TENM2: variants seen among roughly 807,000 people sequenced by gnomAD.
TENM2 encodes teneurin transmembrane protein 2, also known as teneurin-2.
Under a neutral mutation model 245.2 loss-of-function variants are expected in TENM2, and 52 were observed. The observed-to-expected ratio is 0.21, with a 90% CI of 0.17 to 0.27. The LOEUF is 0.27. Among genes scored for constraint, TENM2 ranks in the 10% least tolerant of loss-of-function variants. The pLI, the probability that TENM2 is intolerant of heterozygous loss-of-function variation, is 1.00. For missense variants in TENM2, 3,046 were observed against 3,666.8 expected, an observed-to-expected ratio of 0.83 and a Z score of 4.37; for synonymous variants, 1,363 against 1,438.9, an observed-to-expected ratio of 0.95 and a Z score of 1.19.
intron 2 of TENM2, among the ~76,000 whole-genome samples, chr5:167,533,367 T>G (rs1042184090): frequency 6.6e-6 from 1 of 152,130 alleles, no homozygotes; most frequent in Non-Finnish European, 1.5e-5. Flanking sequence ...TTGAGTACAA[T>G]GGGTTATGGC....
chr5:167,286,134 C>G (rs1771335152), intron 1 of TENM2, among the ~76,000 whole-genome samples: 1 of 152,180 alleles, frequency 6.6e-6, no homozygotes, highest in Non-Finnish European at 1.5e-5. Flanking sequence ...TTGTAGATAA[C>G]ATCTTTTTAT....
intron 2 of TENM2, among the ~76,000 whole-genome samples, chr5:167,587,880 C>T (rs1035851007): frequency 6.6e-6 from 1 of 152,162 alleles, no homozygotes; most frequent in Non-Finnish European, 1.5e-5. Context: ...TGGGAAATTC[C>T]TCTTTTTCCC....
intron 2 of TENM2, among the ~76,000 whole-genome samples, chr5:167,440,747 T>C (rs1026233603): frequency 1.3e-5 from 2 of 152,158 alleles, no homozygotes; most frequent in African/African-American, 4.8e-5. Context: ...TCTTCTGCTC[T>C]GTTTCTGGGT....
intron 2 of TENM2, among the ~76,000 whole-genome samples, chr5:167,841,251 T>C (rs1215225809): frequency 1.3e-5 from 2 of 152,028 alleles, no homozygotes; most frequent in Non-Finnish European, 2.9e-5. Flanking sequence ...AGTGATGGGG[T>C]TTCACCATGT....
At chr5:167,500,727 G>A (rs13162300) in intron 2 of TENM2, among the ~76,000 whole-genome samples, 2 of 152,200 alleles carry the variant, frequency 1.3e-5, no homozygotes, top group South Asian at 4.1e-4. Context: ...TGACAGGAAC[G>A]TTCTGGAAGA....
Position 168,246,753 on chromosome 5 carries a change from G to A in TENM2, c.5818-4G>A. 6.2e-7 allele frequency: 1 copy of A among 1,611,610 alleles called. No individual in the cohort carries two copies. The highest frequency in any genetic ancestry group is 8.5e-7 in the Non-Finnish European group (1 of 1,178,234). ...TATGTTCTGTTCCCCTTTCCTTTCT[G>A]CAGTCCATGGTCCTCCTGCTTCAGA... is the stretch of plus-strand genomic sequence containing the variant. On this transcript the variant is annotated splice_region_variant and splice_polypyrimidine_tract_variant and intron_variant, in intron 26 of 28. Transcript: ENST00000518659.
chr5:167,529,265 C>A (rs182546693), intron 2 of TENM2, among the ~76,000 whole-genome samples: 1 of 152,124 alleles, frequency 6.6e-6, no homozygotes, highest in African/African-American at 2.4e-5. Flanking sequence ...ATTGCAGCCC[C>A]TCTTTCCATC....
chr5:168,212,523 C>T (rs1477739075), intron 20 of TENM2, among the ~76,000 whole-genome samples: 2 of 152,202 alleles, frequency 1.3e-5, no homozygotes, highest in Non-Finnish European at 2.9e-5. Flanking sequence ...CACTACTCAA[C>T]GGAATGCTTC....
At chr5:168,167,564 G>A (rs1758416504) in intron 13 of TENM2, among the ~76,000 whole-genome samples, 2 of 152,188 alleles carry the variant, frequency 1.3e-5, no homozygotes. Context: ...GTAGGAGGAA[G>A]CCTTTTTAGG....
In TENM2 at chr5:168,012,177, A is replaced by G. The variant is rs1785269100; in HGVS notation, c.1186+18995A>G. Reference sequence around the variant, plus strand: ...AATGTTTCTAAAAAAAGAAATGTACAGTCCCTCTGATCATCCAAAGACTGG... The same window carrying G: ...AATGTTTCTAAAAAAAGAAATGTACGGTCCCTCTGATCATCCAAAGACTGG... On this transcript the variant is annotated intron_variant, in intron 5 of 28. Coordinates refer to ENST00000518659, the Ensembl canonical transcript of TENM2. 2.0e-5 allele frequency among the ~76,000 whole-genome samples: 3 copies of G among 152,300 alleles called. No homozygotes were observed. The South Asian group carries it at 6.2e-4, about 32-fold the overall frequency.
chr5:167,995,563 G>A (rs113866379), intron 5 of TENM2, among the ~76,000 whole-genome samples: 3 of 152,138 alleles, frequency 2.0e-5, no homozygotes, highest in African/African-American at 7.2e-5. Context: ...CGAGGTGACC[G>A]CAGGTCTGCA....
At chr5:168,063,487 C>G (rs772700763) in intron 7 of TENM2, among the ~76,000 whole-genome samples, 1 of 151,916 alleles carries the variant, frequency 6.6e-6, no homozygotes, top group Non-Finnish European at 1.5e-5. Flanking sequence ...TGTATGCCCT[C>G]AAATCCAGGA....
chr5:167,437,725 T>G (rs1471633462), intron 2 of TENM2, among the ~76,000 whole-genome samples: 2 of 152,112 alleles, frequency 1.3e-5, no homozygotes, highest in Non-Finnish European at 2.9e-5. Context: ...GCCCTGTTCT[T>G]GTGATAGTGA....
chr5:167,767,050 A>T (rs1763077584), intron 2 of TENM2, among the ~76,000 whole-genome samples: 2 of 152,232 alleles, frequency 1.3e-5, no homozygotes, highest in Admixed American at 1.3e-4. Flanking sequence ...TTTTGTATGT[A>T]TACTTGTCAA....
chr5:167,348,212 A>G (rs1758591276), intron 1 of TENM2, among the ~76,000 whole-genome samples: 1 of 152,234 alleles, frequency 6.6e-6, no homozygotes, highest in African/African-American at 2.4e-5. Context: ...TCCGAGGCCA[A>G]ACTTAATAAT....
chr5:168,246,852 G>A (rs778235006), exon 27 of TENM2: 1 of 1,613,896 alleles, frequency 6.2e-7, no homozygotes, highest in South Asian at 1.1e-5. Flanking sequence ...GCGTGGCCCG[G>A]CACAGCATGT....
rs531741878 is a variant in TENM2 at position 167,736,085 on chromosome 5, G to C, written c.503-139901G>C. 1.7e-3 allele frequency among the ~76,000 whole-genome samples: 255 copies of C among 152,282 alleles called. 1 individual carries two copies. Among genetic ancestry groups the C allele is most frequent in the Non-Finnish European group, 2.9e-3 (194 of 68,038 alleles). ...TTTAATTGACTCACAGTTCAGCATG[G>C]CTGAGGAGGCCTCAGGAAACTTACA... On this transcript the variant is annotated intron_variant, in intron 2 of 28. Coordinates refer to ENST00000518659, the Ensembl canonical transcript of TENM2.
chr5:167,891,607 A>C (rs1262110646), intron 3 of TENM2, among the ~76,000 whole-genome samples: 1 of 152,094 alleles, frequency 6.6e-6, no homozygotes, highest in African/African-American at 2.4e-5. Context: ...ATTCAAACTC[A>C]AGTTTTTGTT....
At chr5:167,220,546 C>CT in the TENM2 span, among the ~76,000 whole-genome samples, 1 of 152,108 alleles carries the variant, frequency 6.6e-6, no homozygotes, top group African/African-American at 2.4e-5. Flanking sequence ...ATGTGTGATA[C>CT]CTGAAGCACT....
Sources: gnomAD v4.1 joint callset for allele counts (sites outside exome capture counted in the v4.1 genomes callset) on GRCh38, gnomAD v4.1.1 for gene constraint, MANE v1.5 for transcripts, NCBI Gene and HGNC (gene_info 2026-07-23, HGNC 2026-07-21) for gene names.